The following NAV2 variants were observed in gnomAD, a reference collection of about 807,000 sequenced individuals.
The protein encoded by NAV2 is neuron navigator 2.
NAV2 carries 54 observed loss-of-function variants against 223.2 expected under a neutral mutation model. The ratio of observed to expected loss-of-function variants is 0.24; its 90% CI spans 0.19 to 0.30. The LOEUF (loss-of-function observed/expected upper bound fraction) is 0.30, where lower values mean the gene tolerates loss of function less well. Ranked by LOEUF, NAV2 falls within the 10% of genes least tolerant of loss-of-function variation. The pLI is 1.00. For missense variants in NAV2, 2,806 were observed against 3,147.5 expected (o/e 0.89, Z 2.60); for synonymous variants, 1,279 against 1,239.3 (o/e 1.03, Z -0.67).
chr11:19,781,749 G>C (rs1351028451), intron 1 of NAV2, among the ~76,000 whole-genome samples: 1 of 130,020 alleles, frequency 7.7e-6, no homozygotes. Flanking sequence ...AAAGACAAAT[G>C]CTCCTTTAGC....
rs184160334 is a variant in NAV2, at chr11:19,781,289, C to T, written c.268-51195C>T. Reference sequence around the variant, plus strand: ...TGCTGCTGAGGTGGGTCTGCATGAGCGTGCAGTATAGATGCCTGTGCTCAC... The same window carrying T: ...TGCTGCTGAGGTGGGTCTGCATGAGTGTGCAGTATAGATGCCTGTGCTCAC... On this transcript the variant is annotated intron_variant, in intron 1 of 37. Coordinates refer to ENST00000349880, the MANE Select transcript of NAV2 (RefSeq NM_145117.5). 9.2e-5 allele frequency among the ~76,000 whole-genome samples: 14 copies of T among 152,250 alleles called. No homozygotes were observed. The East Asian group carries it at 2.5e-3, about 27-fold the overall frequency.
At chr11:19,845,232 G>A (rs964935824) in intron 3 of NAV2, among the ~76,000 whole-genome samples, 8 of 152,292 alleles carry the variant, frequency 5.3e-5, no homozygotes, top group Middle Eastern at 3.4e-3. Flanking sequence ...GATGGCATAG[G>A]GTGTGAGCCA....
At chr11:20,110,790 T>G (rs768131257) in intron 36 of NAV2, among the ~76,000 whole-genome samples, 2 of 152,210 alleles carry the variant, frequency 1.3e-5, no homozygotes, top group Non-Finnish European at 2.9e-5. Context: ...CCACACCTAC[T>G]CTAGGGTCAC....
In NAV2 at chr11:20,049,190, A is replaced by G. The variant is rs2057740227; in HGVS notation, c.4365A>G (p.Ser1455=). 6.3e-7 allele frequency: 1 copy of G among 1,588,638 alleles called. No homozygotes were observed. Among genetic ancestry groups the G allele is most frequent in the African/African-American group, 1.3e-5 (1 of 74,518 alleles). ...VRTNSVKTTL[S]ESPLSSPAAS... Reference sequence around the variant, plus strand: ...CTAACAGTGTGAAGACCACACTGTCAGAAAGGTTGGTGCTGTGCCTCTGGC... The same window carrying G: ...CTAACAGTGTGAAGACCACACTGTCGGAAAGGTTGGTGCTGTGCCTCTGGC... Residue 1455 remains serine (S), a synonymous_variant, in exon 15 of 38, where the codon TCA becomes TCG. Coordinates refer to ENST00000349880, the MANE Select transcript of NAV2 (RefSeq NM_145117.5).
chr11:19,762,745 C>T (rs996663504), intron 1 of NAV2, among the ~76,000 whole-genome samples: 1 of 151,478 alleles, frequency 6.6e-6, no homozygotes, highest in African/African-American at 2.4e-5. Context: ...TCCTGAGTAG[C>T]TGGGATTACA....
Position 20,119,573 on chromosome 11 carries a change from C to T in NAV2, c.*1315C>T, listed in dbSNP as rs936300784. ...GAGGGTCACTCCCTCCCAGAAGCCC[C>T]GTCTGGACGAGCCTTGCCTGACCTC... On this transcript the variant is annotated 3_prime_UTR_variant, in exon 38 of 38. Coordinates refer to ENST00000349880, the MANE Select transcript of NAV2 (RefSeq NM_145117.5). 4 of 152,668 alleles carry T rather than the reference C, an allele frequency of 2.6e-5. No homozygotes were observed. Among genetic ancestry groups the T allele is most frequent in the Admixed American group, 6.5e-5 (1 of 15,276 alleles). 9.5% of individuals were successfully genotyped at this position (152,668 alleles called of 1,614,324 possible).
At chr11:19,622,820 A>G (rs572194781) in intron 1 of NAV2, among the ~76,000 whole-genome samples, 1 of 152,062 alleles carries the variant, frequency 6.6e-6, no homozygotes. Flanking sequence ...ATGTTAGCTG[A>G]GTATTTTGCT....
chr11:19,461,452 T>C (rs1213059321), intron 1 of NAV2, among the ~76,000 whole-genome samples: 1 of 152,246 alleles, frequency 6.6e-6, no homozygotes, highest in African/African-American at 2.4e-5. Context: ...GTTTTAGGCA[T>C]TAACGTGAGT....
chr11:19,405,987 G>C (rs1849878330), intron 1 of NAV2, among the ~76,000 whole-genome samples: 1 of 152,228 alleles, frequency 6.6e-6, no homozygotes, highest in Non-Finnish European at 1.5e-5. Context: ...AGTAGCAGAA[G>C]CATGGCATTG....
chr11:19,554,845 GCT>G (rs2044818424), intron 1 of NAV2, among the ~76,000 whole-genome samples: 1 of 151,970 alleles, frequency 6.6e-6, no homozygotes, highest in Admixed American at 6.6e-5. Context: ...TACTCGGGAG[GCT>G]GAGGCAGGAG....
chr11:19,474,392 G>A (rs956307348), intron 1 of NAV2, among the ~76,000 whole-genome samples: 2 of 152,230 alleles, frequency 1.3e-5, no homozygotes, highest in Admixed American at 6.5e-5. Context: ...AATGTTGACT[G>A]TAATAAGGAA....
chr11:19,609,780 T>C (rs2046584622), intron 1 of NAV2, among the ~76,000 whole-genome samples: 1 of 152,144 alleles, frequency 6.6e-6, no homozygotes, highest in Non-Finnish European at 1.5e-5. Context: ...TTCTCAAAGG[T>C]TCTACTCTAC....
At chr11:19,879,105 G>A (rs1354804167) in intron 4 of NAV2, among the ~76,000 whole-genome samples, 1 of 152,168 alleles carries the variant, frequency 6.6e-6, no homozygotes, top group African/African-American at 2.4e-5. Context: ...GCATAGAAAG[G>A]AGGGATCTCC....
intron 1 of NAV2, among the ~76,000 whole-genome samples, chr11:19,683,677 G>C (rs1396024906): frequency 6.6e-6 from 1 of 152,238 alleles, no homozygotes; most frequent in Non-Finnish European, 1.5e-5. Flanking sequence ...GAAAGGCTGG[G>C]CTTCCAGTCG....
chr11:19,578,503 T>G (rs2045629655), intron 1 of NAV2, among the ~76,000 whole-genome samples: 1 of 151,990 alleles, frequency 6.6e-6, no homozygotes. Flanking sequence ...TGAGTCCCAG[T>G]GGGAGAATGG....
intron 11 of NAV2, among the ~76,000 whole-genome samples, chr11:20,024,463 G>A (rs1238462547): frequency 6.6e-6 from 1 of 152,116 alleles, no homozygotes; most frequent in Non-Finnish European, 1.5e-5. Flanking sequence ...TGCTTCTTAA[G>A]ACGCTGAATG....
chr11:19,672,682 C>A (rs1290561210), intron 1 of NAV2, among the ~76,000 whole-genome samples: 1 of 152,090 alleles, frequency 6.6e-6, no homozygotes, highest in Non-Finnish European at 1.5e-5. Context: ...AGAGAGAGGA[C>A]ATGGGGAAGG....
chr11:19,937,466 T>C (rs1254677721), intron 7 of NAV2, among the ~76,000 whole-genome samples: 1 of 152,104 alleles, frequency 6.6e-6, no homozygotes, highest in Non-Finnish European at 1.5e-5. Flanking sequence ...AATTCAGAAG[T>C]AACAGTGGAT....
rs73428634 is a variant in NAV2 at position 19,353,159 on chromosome 11, A to G, written c.75+2132A>G. Among the ~76,000 whole-genome samples the G allele has an allele frequency of 9.4e-3, 1,433 of 152,272 alleles. 32 individuals carry two copies. Among genetic ancestry groups the G allele is most frequent in the African/African-American group, 0.033 (1,364 of 41,544 alleles). ...TCTCCACCAGCATGCTTAAGTTACC[A>G]AGCATTCATTGGCACCAGATCCTCC... On this transcript the variant is annotated intron_variant, in intron 1 of 37. Transcript: ENST00000360655.
Sources: allele counts gnomAD v4.1 joint callset (sites outside exome capture counted in the v4.1 genomes callset), GRCh38; gene constraint gnomAD v4.1.1; transcripts MANE v1.5; gene names NCBI Gene and HGNC (gene_info 2026-07-23, HGNC 2026-07-21).